PRUNE2: variants seen among roughly 807,000 people sequenced by gnomAD.
PRUNE2 encodes the protein protein prune homolog 2.
A neutral mutation model predicts 252.0 loss-of-function variants in PRUNE2; 164 were observed. The ratio of observed to expected loss-of-function variants is 0.65; its 90% confidence interval spans 0.57 to 0.74. The LOEUF (loss-of-function observed/expected upper bound fraction) is 0.74. Ranked by LOEUF, PRUNE2 falls within the 30% of genes least tolerant of loss-of-function variation. The pLI is 0.00. For missense variants in PRUNE2, 3,495 were observed against 3,711.0 expected (o/e 0.94, Z 1.51); for synonymous variants, 1,292 against 1,350.2 (o/e 0.96, Z 0.94).
Position 76,881,716 on chromosome 9 carries a change from G to A in PRUNE2, c.36+24212C>T, listed in dbSNP as rs1373549802. Among the ~76,000 whole-genome samples the A allele has an allele frequency of 3.3e-5, 5 of 151,834 alleles. No homozygotes were observed. In the East Asian group the frequency reaches 7.7e-4, roughly 23 times the overall value. ...GGCTCACTGCAACCTCCACCTCCCA[G>A]GTTCAAGTGATTCTCCTGCCTCAGC... On this transcript the variant is annotated intron_variant, in intron 1 of 18. Transcript: ENST00000376718.
chr9:76,838,309 A>G (rs1421066133), intron 4 of PRUNE2, among the ~76,000 whole-genome samples: 1 of 152,102 alleles, frequency 6.6e-6, no homozygotes, highest in Non-Finnish European at 1.5e-5. Flanking sequence ...TCTAAAAACA[A>G]TGAGTAATAT....
intron 9 of PRUNE2, among the ~76,000 whole-genome samples, chr9:76,673,565 T>A (rs1190099463): frequency 7.1e-6 from 1 of 140,858 alleles, no homozygotes; most frequent in Non-Finnish European, 1.5e-5. Context: ...GAGGCCAGCA[T>A]CATTCTGATA....
intron 4 of PRUNE2, among the ~76,000 whole-genome samples, chr9:76,838,645 C>CAAAAAAAAAA (rs10540002): frequency 1.2e-4 from 10 of 84,674 alleles, no homozygotes; most frequent in Admixed American, 2.7e-4. Context: ...AACTCTGTCT[C>CAAAAAAAAAA]AAAAAAAAAA....
chr9:76,776,487 A>G (rs2053759959), intron 6 of PRUNE2, among the ~76,000 whole-genome samples: 1 of 149,128 alleles, frequency 6.7e-6, no homozygotes, highest in African/African-American at 2.5e-5. Flanking sequence ...GTATACATTT[A>G]CACCACATTT....
At chr9:76,809,964 T>C (rs1424199910) in intron 6 of PRUNE2, among the ~76,000 whole-genome samples, 4 of 152,150 alleles carry the variant, frequency 2.6e-5, no homozygotes, top group East Asian at 3.9e-4. Flanking sequence ...TCAATGACTA[T>C]AGTGTAGGTT....
chr9:76,636,620 T>C lies in PRUNE2; in HGVS notation c.8964-63A>G, dbSNP rs773746482. On this transcript the variant is annotated intron_variant, in intron 14 of 18. Coordinates refer to ENST00000376718, the MANE Select transcript of PRUNE2 (RefSeq NM_015225.3). ...CCCATTTTCAGTGGGAATTAAAACATAAAACATATTCCTAAATAAGAATAT... is the reference window on the plus strand; with the variant it reads ...CCCATTTTCAGTGGGAATTAAAACACAAAACATATTCCTAAATAAGAATAT... 1.9e-4 allele frequency: 160 copies of C among 829,056 alleles called. 1 individual carries two copies. The highest frequency in any genetic ancestry group is 1.8e-3 in the South Asian group (118 of 66,694). The allele number at this position is 829,056 out of a possible 1,614,324, so 51.4% of individuals were successfully genotyped here.
intron 9 of PRUNE2, among the ~76,000 whole-genome samples, chr9:76,701,638 C>T (rs1323891111): frequency 2.0e-5 from 3 of 152,142 alleles, no homozygotes; most frequent in Non-Finnish European, 4.4e-5. Flanking sequence ...AATAGCTTGA[C>T]AGGAAGAAAG....
intron 16 of PRUNE2, among the ~76,000 whole-genome samples, chr9:76,627,581 G>A (rs1012119017): frequency 1.8e-4 from 28 of 152,240 alleles, no homozygotes; most frequent in African/African-American, 6.0e-4. Flanking sequence ...ATTCAGCTGA[G>A]CCCAGCTGAC....
intron 6 of PRUNE2, among the ~76,000 whole-genome samples, chr9:76,731,324 AT>A (rs1181079797): frequency 0.029 from 3,084 of 106,686 alleles, 102 homozygotes; most frequent in African/African-American, 0.088. Flanking sequence ...ATATATATAT[AT>A]TTTTTTTTTT....
chr9:76,691,900 G>A (rs1229525946), intron 9 of PRUNE2: 1 of 598,204 alleles, frequency 1.7e-6, no homozygotes, highest in Non-Finnish European at 3.0e-6. Context: ...ATAAAATGCA[G>A]CTGGCAGCTG....
At chr9:76,813,729 GAATT>G (rs2057508394) in intron 6 of PRUNE2, among the ~76,000 whole-genome samples, 1 of 152,114 alleles carries the variant, frequency 6.6e-6, no homozygotes, top group African/African-American at 2.4e-5. Context: ...CATTCTATGA[GAATT>G]AATTGGTCTT....
At chr9:76,790,447 G>A (rs192794308) in intron 6 of PRUNE2, among the ~76,000 whole-genome samples, 5 of 152,246 alleles carry the variant, frequency 3.3e-5, no homozygotes, top group Admixed American at 2.6e-4. Context: ...TCTGACATCT[G>A]TATTCTCAAA....
At chr9:76,662,807 A>G (rs1018793350) in intron 9 of PRUNE2, among the ~76,000 whole-genome samples, 13 of 152,222 alleles carry the variant, frequency 8.5e-5, no homozygotes, top group African/African-American at 2.9e-4. Context: ...ATATTTTGGG[A>G]AAATGATTAC....
At chr9:76,883,802 C>T (rs1394155377) in intron 1 of PRUNE2, among the ~76,000 whole-genome samples, 6 of 152,298 alleles carry the variant, frequency 3.9e-5, no homozygotes, top group Admixed American at 6.5e-5. Context: ...TTCCATGTGA[C>T]GTTGTTGCTC....
intron 6 of PRUNE2, among the ~76,000 whole-genome samples, chr9:76,756,648 T>C (rs555301589): frequency 6.6e-6 from 1 of 152,344 alleles, no homozygotes; most frequent in East Asian, 1.9e-4. Context: ...CCAGGAGGAT[T>C]CCCTGAGTCT....
intron 9 of PRUNE2, among the ~76,000 whole-genome samples, chr9:76,696,574 C>T (rs1183534238): frequency 6.6e-6 from 1 of 152,104 alleles, no homozygotes; most frequent in Non-Finnish European, 1.5e-5. Context: ...TACAGGTGCC[C>T]GCCACCACAC....
intron 9 of PRUNE2, among the ~76,000 whole-genome samples, chr9:76,664,615 C>T (rs1050717727): frequency 5.9e-5 from 9 of 152,104 alleles, no homozygotes; most frequent in African/African-American, 1.2e-4. Flanking sequence ...CCATCTCCTG[C>T]GTTCAAGTGA....
At position 76,704,793 on chromosome 9, in the gene PRUNE2, A is replaced by G; in HGVS notation, c.7481T>C (p.Leu2494Ser). The stretch of plus-strand genomic sequence containing the variant: ...TGGTCCTATGTCTCCACCTGCTGGT[A>G]AATCAGAATTATCTGTTTCTACTTC... ...DWEVETDNSD[L>S]PAGGDIGPPN... The change falls in exon 8 of 19, where the codon TTA becomes TCA. Residue 2494 changes from leucine to serine, a missense_variant. Transcript: ENST00000376718. 6.4e-7 allele frequency: 1 copy of G among 1,572,482 alleles called. No individual in the cohort carries two copies. Among genetic ancestry groups the G allele is most frequent in the Non-Finnish European group, 8.6e-7 (1 of 1,157,092 alleles).
chr9:76,719,977 A>G (rs2047487954), intron 6 of PRUNE2, among the ~76,000 whole-genome samples: 1 of 152,336 alleles, frequency 6.6e-6, no homozygotes, highest in South Asian at 2.1e-4. Flanking sequence ...ATAATCATAT[A>G]TGTACACAAA....
Sources: allele counts gnomAD v4.1 joint callset (sites outside exome capture counted in the v4.1 genomes callset), GRCh38; gene constraint gnomAD v4.1.1; transcripts MANE v1.5; gene names NCBI Gene and HGNC (gene_info 2026-07-23, HGNC 2026-07-21).